CHSY3: variants seen among roughly 807,000 people sequenced by gnomAD.
The protein encoded by CHSY3 is chondroitin sulfate synthase 3.
A neutral mutation model predicts 67.2 loss-of-function variants in CHSY3; 35 were observed. The observed-to-expected ratio is 0.52, with a 90% CI of 0.40 to 0.69. CHSY3 has a LOEUF of 0.69. CHSY3 is among the 30% of genes least tolerant of loss of function. The pLI, the probability that CHSY3 is intolerant of heterozygous loss-of-function variation, is 0.00. For missense variants in CHSY3, 1,069 were observed against 1,138.5 expected, an observed-to-expected ratio of 0.94 and a Z score of 0.88; for synonymous variants, 474 against 434.7, an observed-to-expected ratio of 1.09 and a Z score of -1.12.
At chr5:129,941,449 C>T (rs374461289) in intron 2 of CHSY3, among the ~76,000 whole-genome samples, 6 of 152,180 alleles carry the variant, frequency 3.9e-5, no homozygotes, top group African/African-American at 1.2e-4. Flanking sequence ...TAATGGTAGA[C>T]AGATTTATGC....
chr5:129,928,312 C>T (rs1761184363), intron 2 of CHSY3, among the ~76,000 whole-genome samples: 1 of 151,022 alleles, frequency 6.6e-6, no homozygotes, highest in Non-Finnish European at 1.5e-5. Context: ...ATTTACATGG[C>T]TTGGCCAAAT....
chr5:130,155,753 G>C (rs1218523822), intron 2 of CHSY3, among the ~76,000 whole-genome samples: 1 of 152,136 alleles, frequency 6.6e-6, no homozygotes, highest in Non-Finnish European at 1.5e-5. Context: ...TCATATTGAG[G>C]AATATTTAGC....
chr5:130,057,286 G>T (rs1379175859), intron 2 of CHSY3, among the ~76,000 whole-genome samples: 1 of 151,822 alleles, frequency 6.6e-6, no homozygotes, highest in Non-Finnish European at 1.5e-5. Flanking sequence ...TAAGTTATTG[G>T]ACTATATAAA....
At chr5:129,922,355 A>C (rs1760953603) in intron 2 of CHSY3, among the ~76,000 whole-genome samples, 1 of 152,276 alleles carries the variant, frequency 6.6e-6, no homozygotes, top group African/African-American at 2.4e-5. Context: ...TATACCCCAA[A>C]GTGAAAATGC....
intron 2 of CHSY3, among the ~76,000 whole-genome samples, chr5:129,978,162 T>G (rs1465981292): frequency 6.6e-6 from 1 of 152,186 alleles, no homozygotes; most frequent in African/African-American, 2.4e-5. Flanking sequence ...GTTCTGAGCT[T>G]AGAGTACTAA....
chr5:130,073,909 C>G (rs1766170394), intron 2 of CHSY3, among the ~76,000 whole-genome samples: 1 of 152,136 alleles, frequency 6.6e-6, no homozygotes, highest in Admixed American at 6.6e-5. Flanking sequence ...GTGACAACCA[C>G]AAGTTCATAG....
intron 2 of CHSY3, among the ~76,000 whole-genome samples, chr5:129,968,762 A>T (rs1206377957): frequency 6.6e-6 from 1 of 151,860 alleles, no homozygotes; most frequent in Non-Finnish European, 1.5e-5. Flanking sequence ...ATGTGTGTTT[A>T]AAACACTTTT....
chr5:130,048,692 C>A (rs1484127855), intron 2 of CHSY3, among the ~76,000 whole-genome samples: 1 of 151,912 alleles, frequency 6.6e-6, no homozygotes, highest in African/African-American at 2.4e-5. Flanking sequence ...TATATTTTTT[C>A]TTTTTCTTAT....
rs1468717884 is a variant in CHSY3, at chr5:130,143,732, G to GTATATA, written c.1087-40496_1087-40495insATATAT. Among the ~76,000 whole-genome samples, 14 of 99,272 alleles carry GTATATA rather than the reference G, an allele frequency of 1.4e-4. 1 individual carries two copies. The highest frequency in any genetic ancestry group is 5.4e-4 in the African/African-American group (13 of 24,012). The allele number at this position is 99,272 out of a possible 152,430, so 65.1% of individuals were successfully genotyped here. On this transcript the variant is annotated intron_variant, in intron 2 of 2. Coordinates refer to ENST00000305031, the MANE Select transcript of CHSY3 (RefSeq NM_175856.5). ...GGTATATATATATATGTGTGTGTGT[G>GTATATA]TGTATATATATATATATATATATAT...
intron 2 of CHSY3, among the ~76,000 whole-genome samples, chr5:130,086,076 T>A (rs1766609258): frequency 6.6e-6 from 1 of 152,010 alleles, no homozygotes; most frequent in African/African-American, 2.4e-5. Flanking sequence ...CTGAAAAAAA[T>A]GTATATTCTG....
intron 2 of CHSY3, among the ~76,000 whole-genome samples, chr5:129,930,514 G>GC (rs1045822899): frequency 4.1e-5 from 6 of 144,614 alleles, no homozygotes; most frequent in Middle Eastern, 3.2e-3. Flanking sequence ...CTGGCGGGGG[G>GC]GGGGTATGAA....
chr5:130,109,926 G>C (rs1295185926), intron 2 of CHSY3, among the ~76,000 whole-genome samples: 4 of 151,780 alleles, frequency 2.6e-5, no homozygotes, highest in Non-Finnish European at 5.9e-5. Flanking sequence ...TGGAGTTTGG[G>C]TATTAAGCAA....
At chr5:129,954,518 G>A (rs1193609422) in intron 2 of CHSY3, among the ~76,000 whole-genome samples, 1 of 151,546 alleles carries the variant, frequency 6.6e-6, no homozygotes, top group Non-Finnish European at 1.5e-5. Context: ...ATTCTGTGAA[G>A]AAAGTCAATG....
At chr5:130,139,032 T>C (rs1313087474) in intron 2 of CHSY3, among the ~76,000 whole-genome samples, 4 of 152,206 alleles carry the variant, frequency 2.6e-5, no homozygotes, top group Admixed American at 2.6e-4. Context: ...CTCCTAGGGC[T>C]ATACACCTGT....
intron 2 of CHSY3, among the ~76,000 whole-genome samples, chr5:130,100,082 A>G (rs937401415): frequency 8.9e-4 from 136 of 152,342 alleles, no homozygotes; most frequent in African/African-American, 3.1e-3. Context: ...AAAAGCATTA[A>G]TTAATGAGGG....
At position 130,084,739 on chromosome 5, in the gene CHSY3, T is replaced by A. The variant is rs139378907; in HGVS notation, c.1087-99490T>A. Among the ~76,000 whole-genome samples the A allele has an allele frequency of 6.0e-3, 907 of 151,988 alleles. 12 individuals carry two copies. The highest frequency in any genetic ancestry group is 0.021 in the African/African-American group (863 of 41,516). On this transcript the variant is annotated intron_variant, in intron 2 of 2. Transcript: ENST00000305031. ...CTCTCTAAAATATATAAAACCAAGCTGTAGCCCAAGTGAGGTTGGGAAGGT... is the reference window on the plus strand; with the variant it reads ...CTCTCTAAAATATATAAAACCAAGCAGTAGCCCAAGTGAGGTTGGGAAGGT...
intron 2 of CHSY3, among the ~76,000 whole-genome samples, chr5:130,070,544 G>A (rs1017469452): frequency 6.6e-6 from 1 of 152,030 alleles, no homozygotes; most frequent in African/African-American, 2.4e-5. Context: ...AAGTACAAAT[G>A]TTCAATTAAC....
At chr5:130,069,872 ATAAAT>A (rs1766004482) in intron 2 of CHSY3, among the ~76,000 whole-genome samples, 1 of 152,096 alleles carries the variant, frequency 6.6e-6, no homozygotes, top group Non-Finnish European at 1.5e-5. Flanking sequence ...TTCCTCTGTC[ATAAAT>A]TAAATGATTA....
At position 130,185,570 on chromosome 5, in the gene CHSY3, C is replaced by T; in HGVS notation, c.2428C>T (p.Leu810Phe). The change falls in exon 3 of 3, where the codon CTC (leucine) becomes TTC (phenylalanine). Residue 810 changes from leucine (L) to phenylalanine (F), a missense_variant. This residue lies in a region of CHSY3 where 139 missense variants were observed against 152.8 expected (regional missense o/e 0.91). Transcript: ENST00000305031. ...IQGWGLEDVD[L>F]YNKVILSGLR... The stretch of plus-strand genomic sequence containing the variant: ...AGGCTGGGGACTAGAAGATGTAGAT[C>T]TCTACAATAAAGTCATTCTATCTGG... The T allele has an allele frequency of 6.2e-7, 1 of 1,614,070 alleles. No homozygotes were observed. Among genetic ancestry groups the T allele is most frequent in the Non-Finnish European group, 8.5e-7 (1 of 1,179,960 alleles).
Sources: gnomAD v4.1 joint callset for allele counts (sites outside exome capture counted in the v4.1 genomes callset) on GRCh38, gnomAD v4.1.1 for gene constraint, gnomAD v4.1.1 regional missense constraint, MANE v1.5 for transcripts, NCBI Gene and HGNC (gene_info 2026-07-23, HGNC 2026-07-21) for gene names.